CSMD1: variants seen among roughly 807,000 people sequenced by gnomAD.
CSMD1 encodes the protein CUB and Sushi multiple domains 1, also known as CUB and sushi domain-containing protein 1.
Under a neutral mutation model 417.5 loss-of-function variants are expected in CSMD1, and 213 were observed. The observed-to-expected ratio is 0.51, with a 90% CI of 0.46 to 0.57. The LOEUF (loss-of-function observed/expected upper bound fraction) is 0.57, where lower values mean the gene tolerates loss of function less well. Ranked by LOEUF, CSMD1 falls within the 20% of genes least tolerant of loss-of-function variation. CSMD1 has a pLI of 0.00. For missense variants in CSMD1, 6,923 were observed against 4,529.7 expected (o/e 1.53, Z -15.17); for synonymous variants, 2,862 against 1,736.8 (o/e 1.65, Z -16.11).
At chr8:3,568,000 T>G (rs556625161) in intron 10 of CSMD1, among the ~76,000 whole-genome samples, 1 of 152,338 alleles carries the variant, frequency 6.6e-6, no homozygotes, top group East Asian at 1.9e-4. Context: ...ATTCATCTGA[T>G]GCCTTAGAAA....
At chr8:4,926,304 G>A (rs535939100) in intron 1 of CSMD1, among the ~76,000 whole-genome samples, 1 of 152,060 alleles carries the variant, frequency 6.6e-6, no homozygotes, top group Non-Finnish European at 1.5e-5. Flanking sequence ...TCTAACGAAA[G>A]GAAGAAATAA....
intron 10 of CSMD1, among the ~76,000 whole-genome samples, chr8:3,543,038 T>C (rs1283022896): frequency 1.1e-4 from 17 of 152,166 alleles, no homozygotes; most frequent in Admixed American, 1.1e-3. Flanking sequence ...TGTGGGTGTG[T>C]TCTGTCTCGC....
intron 25 of CSMD1, among the ~76,000 whole-genome samples, chr8:3,290,169 C>G (rs1224944390): frequency 1.2e-4 from 18 of 146,950 alleles, no homozygotes; most frequent in Middle Eastern, 3.5e-3. Flanking sequence ...GGGCTCTGTT[C>G]TGTTCCATTG....
intron 5 of CSMD1, among the ~76,000 whole-genome samples, chr8:3,830,264 C>G (rs943707785): frequency 6.6e-6 from 1 of 152,180 alleles, no homozygotes; most frequent in Non-Finnish European, 1.5e-5. Flanking sequence ...AAAATCAGCA[C>G]AGTTAGTCAC....
At chr8:3,206,470 A>T (rs1398438570) in intron 30 of CSMD1, among the ~76,000 whole-genome samples, 2 of 30,968 alleles carry the variant, frequency 6.5e-5, no homozygotes, top group Middle Eastern at 0.02. Context: ...TGGGGGGGTT[A>T]TGTCTGTGCG....
intron 2 of CSMD1, among the ~76,000 whole-genome samples, chr8:4,636,216 G>C (rs1035790124): frequency 2.0e-5 from 3 of 151,986 alleles, no homozygotes; most frequent in Non-Finnish European, 4.4e-5. Flanking sequence ...AGGAAAATCT[G>C]ATTTCTTTGG....
intron 3 of CSMD1, among the ~76,000 whole-genome samples, chr8:4,396,049 A>C (rs926125384): frequency 6.6e-6 from 1 of 152,176 alleles, no homozygotes; most frequent in Non-Finnish European, 1.5e-5. Context: ...AGCTAGCTAT[A>C]ATGTTGGCAT....
At chr8:3,106,239 A>AAT (rs1295087294) in intron 46 of CSMD1, among the ~76,000 whole-genome samples, 1 of 150,492 alleles carries the variant, frequency 6.6e-6, no homozygotes, top group African/African-American at 2.5e-5. Flanking sequence ...AAAAAAAAAA[A>AAT]TCCAAAAATT....
intron 3 of CSMD1, among the ~76,000 whole-genome samples, chr8:4,182,945 G>A (rs1451641564): frequency 6.6e-6 from 1 of 152,044 alleles, no homozygotes; most frequent in Non-Finnish European, 1.5e-5. Context: ...AGCAAATGAA[G>A]ATAATGGCCA....
At chr8:4,905,085 G>A (rs751784231) in intron 1 of CSMD1, among the ~76,000 whole-genome samples, 8 of 152,080 alleles carry the variant, frequency 5.3e-5, no homozygotes, top group Non-Finnish European at 7.4e-5. Flanking sequence ...GCATAGGATC[G>A]TTCCCTGTGG....
intron 68 of CSMD1, among the ~76,000 whole-genome samples, chr8:2,948,195 A>C (rs1802383754): frequency 6.6e-6 from 1 of 152,086 alleles, no homozygotes. Context: ...GGTTGCAACA[A>C]TTATAACGAC....
At chr8:4,817,543 G>C (rs190808583) in intron 1 of CSMD1, among the ~76,000 whole-genome samples, 14 of 152,248 alleles carry the variant, frequency 9.2e-5, no homozygotes, top group African/African-American at 3.4e-4. Flanking sequence ...CTACTGCATG[G>C]TTTCCTTTTC....
chr8:3,154,246 T>A (rs898288261), intron 39 of CSMD1, among the ~76,000 whole-genome samples: 1 of 152,224 alleles, frequency 6.6e-6, no homozygotes, highest in African/African-American at 2.4e-5. Context: ...GTGAGGGGAT[T>A]ACAGGCCTGA....
chr8:4,416,147 A>G (rs1038990508), intron 3 of CSMD1, among the ~76,000 whole-genome samples: 15 of 152,220 alleles, frequency 9.9e-5, no homozygotes, highest in African/African-American at 3.4e-4. Context: ...GAAAAGTTCT[A>G]TACAAAGCAA....
intron 4 of CSMD1, among the ~76,000 whole-genome samples, 182 bp from the exon 5 acceptor site, chr8:3,998,292 C>G (rs1467199116): frequency 7.2e-5 from 11 of 152,140 alleles, no homozygotes; most frequent in Non-Finnish European, 1.6e-4. Context: ...TTACAAGACT[C>G]TAACATTTAA....
intron 3 of CSMD1, among the ~76,000 whole-genome samples, chr8:4,362,238 G>A (rs1271431585): frequency 2.0e-5 from 3 of 152,056 alleles, no homozygotes; most frequent in African/African-American, 7.2e-5. Context: ...CAAAAGACTT[G>A]TTTTTTCCAT....
intron 5 of CSMD1, among the ~76,000 whole-genome samples, chr8:3,939,798 G>C (rs1289342562): frequency 6.6e-6 from 1 of 152,128 alleles, no homozygotes; most frequent in Non-Finnish European, 1.5e-5. Context: ...GTTCTCACTT[G>C]TGAGAGCTAA....
At chr8:4,081,428 T>G (rs1800126200) in intron 3 of CSMD1, among the ~76,000 whole-genome samples, 3 of 152,242 alleles carry the variant, frequency 2.0e-5, no homozygotes, top group African/African-American at 7.2e-5. Flanking sequence ...CTTTTTGCCT[T>G]GGATCACACC....
chr8:4,124,045 G>C (rs757985767), intron 3 of CSMD1, among the ~76,000 whole-genome samples: 1 of 151,826 alleles, frequency 6.6e-6, no homozygotes, highest in East Asian at 1.9e-4. Flanking sequence ...TTGCATTCCG[G>C]AACGACATTC....
Sources: gnomAD v4.1 joint callset for allele counts (sites outside exome capture counted in the v4.1 genomes callset) on GRCh38, gnomAD v4.1.1 for gene constraint, MANE v1.5 for transcripts, NCBI Gene and HGNC (gene_info 2026-07-23, HGNC 2026-07-21) for gene names.